The following SDAD1 variants were observed in gnomAD, a reference collection of about 807,000 sequenced individuals.
SDAD1 encodes the protein SDA1 domain containing 1.
SDAD1 carries 79 observed loss-of-function variants against 100.3 expected under a neutral mutation model. The observed-to-expected ratio is 0.79, with a 90% CI of 0.66 to 0.95. The LOEUF is 0.95. Among genes scored for constraint, SDAD1 ranks in the 40% least tolerant of loss-of-function variants. SDAD1 has a pLI of 0.00. For synonymous variants in SDAD1, 267 were observed against 271.4 expected (o/e 0.98, Z 0.16); for missense variants, 790 against 810.9 (o/e 0.97, Z 0.31).
intron 21 of SDAD1, among the ~76,000 whole-genome samples, chr4:75,951,290 A>C (rs1235061686): frequency 6.6e-6 from 1 of 152,206 alleles, no homozygotes; most frequent in Non-Finnish European, 1.5e-5. Context: ...ACTTGTGTAG[A>C]TTTATGATAA....
intron 13 of SDAD1, 78 bp downstream of exon 13, chr4:75,965,686 C>G (rs896886481): frequency 4.2e-6 from 5 of 1,178,450 alleles, no homozygotes; most frequent in African/African-American, 1.5e-5. Flanking sequence ...GGCAGGTTCC[C>G]CCGATAGACC....
intron 17 of SDAD1, among the ~76,000 whole-genome samples, chr4:75,959,120 A>C (rs1350225428): frequency 8.0e-5 from 12 of 150,082 alleles, no homozygotes; most frequent in South Asian, 4.2e-4. Flanking sequence ...AAAAAAAAAA[A>C]AAAAAAAACC....
intron 5 of SDAD1, 21 bp downstream of exon 5, chr4:75,975,903 G>A (rs1374880551): frequency 6.2e-7 from 1 of 1,601,486 alleles, no homozygotes; most frequent in Admixed American, 1.7e-5. Context: ...CTGCAAACAT[G>A]GAAGACAGAA....
At position 75,967,273 on chromosome 4, in the gene SDAD1, T is replaced by C. The variant is rs776633641; in HGVS notation, c.1045+4A>G. On this transcript the variant is annotated splice_donor_region_variant and intron_variant, in intron 12 of 21. Coordinates refer to ENST00000356260, the MANE Select transcript of SDAD1 (RefSeq NM_018115.4). ...CCAAAGAAACATGGCAAGTGGCAGC[T>C]TACCTCTTTGGTGGGGCTGCAGAAA... 2.5e-6 allele frequency: 4 copies of C among 1,613,630 alleles called. No individual in the cohort carries two copies. The South Asian group carries it at 4.4e-5, about 18-fold the overall frequency.
Position 75,960,029 on chromosome 4 carries a change from G to A in SDAD1, c.1483+37C>T, listed in dbSNP as rs763826723. The A allele has an allele frequency of 2.5e-6, 4 of 1,589,362 alleles. 1 individual carries two copies. The South Asian group carries it at 3.5e-5, about 14-fold the overall frequency. On this transcript the variant is annotated intron_variant, in intron 17 of 21. Coordinates refer to ENST00000356260, the MANE Select transcript of SDAD1 (RefSeq NM_018115.4). ...AAAGGTCTGCACAGATACTGCAGGA[G>A]TGTTTTGCCCAAAATAAGGGTGAAA... is the stretch of plus-strand genomic sequence containing the variant.
chr4:75,974,113 T>C lies in SDAD1; in HGVS notation c.599A>G (p.Asn200Ser), dbSNP rs373552511. 63 of 1,613,618 alleles carry C rather than the reference T, an allele frequency of 3.9e-5. No homozygotes were observed. Among genetic ancestry groups the C allele is most frequent in the Middle Eastern group, 1.6e-4 (1 of 6,080 alleles). The change falls in exon 7 of 22, where the codon AAT becomes AGT. Residue 200 changes from asparagine to serine, a missense_variant. Physicochemically the swap from Asn to Ser is conservative, Grantham distance 46 (BLOSUM62 1). Coordinates refer to ENST00000356260, the MANE Select transcript of SDAD1 (RefSeq NM_018115.4). Reference protein sequence around the residue: ...RNIWNDAKTVNVITTACFSKV... With the variant: ...RNIWNDAKTVSVITTACFSKV... ...AGAGAAACATGCAGTTGTGATAACATTGACAGTTTTTGCATCATTCCTGGG... is the reference window on the plus strand; with the variant it reads ...AGAGAAACATGCAGTTGTGATAACACTGACAGTTTTTGCATCATTCCTGGG...
At chr4:75,974,045 A>C in intron 7 of SDAD1, 31 bp downstream of exon 7, 2 of 1,595,186 alleles carry the variant, frequency 1.3e-6, no homozygotes, top group Non-Finnish European at 1.7e-6. Context: ...ATCCACAGAC[A>C]GAGCTTACAC....
In SDAD1 at chr4:75,971,427, A is replaced by T; in HGVS notation, c.743T>A (p.Val248Glu). 1 of 1,614,000 alleles carries T rather than the reference A, an allele frequency of 6.2e-7. No homozygotes were observed. The highest frequency in any genetic ancestry group is 8.5e-7 in the Non-Finnish European group (1 of 1,179,948). Residue 248 changes from valine (V) to glutamate (E), a missense_variant, in exon 9 of 22, where the codon GTA (valine) becomes GAA (glutamate). Val to Glu is a moderately radical substitution (Grantham distance 121). Coordinates refer to ENST00000356260, the MANE Select transcript of SDAD1 (RefSeq NM_018115.4). ...DDGPTARDLLVQYATGKKSSK... is the reference protein window; with the variant it reads ...DDGPTARDLLEQYATGKKSSK... ...ACTTTTCTTCCCTGTAGCATATTGT[A>T]CTAGCAGGTCTCTTGCTGTTGGTCC...
chr4:75,955,393 C>A (rs1809990), intron 21 of SDAD1, among the ~76,000 whole-genome samples: 4 of 152,076 alleles, frequency 2.6e-5, no homozygotes, highest in Admixed American at 1.3e-4. Context: ...TTTATTTCTC[C>A]ACCTGCCTTT....
chr4:75,957,323 A>G lies in SDAD1; in HGVS notation c.1854+2T>C. 6.2e-7 allele frequency: 1 copy of G among 1,612,278 alleles called. No homozygotes were observed. The highest frequency in any genetic ancestry group is 8.5e-7 in the Non-Finnish European group (1 of 1,178,680). ...AAAACTAGGAATGATATGCTCACTCACCATTGCAGTTGCTAGTCTTGTCTC... is the reference window on the plus strand; with the variant it reads ...AAAACTAGGAATGATATGCTCACTCGCCATTGCAGTTGCTAGTCTTGTCTC... On this transcript the variant is annotated splice_donor_variant, in intron 20 of 21. Transcript: ENST00000356260. LOFTEE classifies it high-confidence loss of function.
intron 12 of SDAD1, among the ~76,000 whole-genome samples, chr4:75,966,581 T>C (rs1578127287): frequency 6.6e-6 from 1 of 152,234 alleles, no homozygotes; most frequent in African/African-American, 2.4e-5. Flanking sequence ...AACAATCATC[T>C]CTTCTTTCCT....
intron 14 of SDAD1, among the ~76,000 whole-genome samples, chr4:75,962,056 A>G (rs1285063808): frequency 6.6e-6 from 1 of 151,910 alleles, no homozygotes; most frequent in Non-Finnish European, 1.5e-5. Context: ...CACTACCGCC[A>G]CCCCACGACA....
chr4:75,970,131 C>A (rs1402826067), intron 10 of SDAD1, among the ~76,000 whole-genome samples, 178 bp downstream of exon 10: 9 of 152,042 alleles, frequency 5.9e-5, no homozygotes, highest in Non-Finnish European at 2.9e-5. Context: ...CTGCGATAGA[C>A]TGGGAATCAC....
At chr4:75,967,441 T>C (rs755807192) in intron 11 of SDAD1, 107 bp from the exon 12 acceptor site, 42 of 1,000,698 alleles carry the variant, frequency 4.2e-5, no homozygotes, top group Non-Finnish European at 5.5e-5. Flanking sequence ...AGAACACTTT[T>C]GTTTTTTTCT....
At chr4:75,976,020 T>C in intron 4 of SDAD1, 25 bp from the exon 5 acceptor site, 5 of 1,446,560 alleles carry the variant, frequency 3.5e-6, no homozygotes, top group Non-Finnish European at 4.8e-6. Context: ...CAAAAATATA[T>C]ACATTAAACC....
At chr4:75,952,444 C>A (rs1428046587) in intron 21 of SDAD1, among the ~76,000 whole-genome samples, 2 of 152,180 alleles carry the variant, frequency 1.3e-5, no homozygotes, top group African/African-American at 4.8e-5. Flanking sequence ...CTTCTTTTAT[C>A]TTTCTACAGG....
intron 21 of SDAD1, among the ~76,000 whole-genome samples, chr4:75,954,989 A>T (rs777574080): frequency 1.4e-4 from 22 of 152,210 alleles, no homozygotes. Flanking sequence ...TGGTCTAACC[A>T]GTTGTCTAGC....
chr4:75,957,091 C>T (rs896852157), intron 20 of SDAD1, among the ~76,000 whole-genome samples: 13 of 151,790 alleles, frequency 8.6e-5, no homozygotes, highest in African/African-American at 3.1e-4. Context: ...GCCTGGGTGA[C>T]AGAGAGAGAC....
At chr4:75,990,401 GAA>G (rs943293055) in intron 1 of SDAD1, among the ~76,000 whole-genome samples, 4 of 151,932 alleles carry the variant, frequency 2.6e-5, no homozygotes, top group African/African-American at 9.7e-5. Flanking sequence ...TGGGATTTCT[GAA>G]AAGAGGCTGA....
Sources: gnomAD v4.1 joint callset for allele counts (sites outside exome capture counted in the v4.1 genomes callset) on GRCh38, gnomAD v4.1.1 for gene constraint, MANE v1.5 for transcripts, NCBI Gene and HGNC (gene_info 2026-07-23, HGNC 2026-07-21) for gene names.